Variants in GRK1 observed in about 807,000 individuals in gnomAD.
The protein encoded by GRK1 is rhodopsin kinase GRK1.
GRK1 carries 28 observed loss-of-function variants against 41.7 expected under a neutral mutation model. The ratio of observed to expected loss-of-function variants is 0.67; its 90% CI spans 0.50 to 0.92. GRK1 has a LOEUF of 0.92. Ranked by LOEUF, GRK1 falls within the 40% of genes least tolerant of loss-of-function variation. The pLI is 0.00. For synonymous variants in GRK1, 327 were observed against 286.7 expected (o/e 1.14, Z -1.42); for missense variants, 703 against 671.2 (o/e 1.05, Z -0.52).
At chr13:113,649,148 G>C in the GRK1 span, 8 of 421,412 alleles carry the variant, frequency 1.9e-5, no homozygotes, top group Non-Finnish European at 2.9e-5. This position sits in a 1 kb window ranked among gnomAD's most constrained non-coding sequence, Gnocchi z 4.7. Flanking sequence ...TCTTATAGCA[G>C]CAAATTCCAT....
rs369324651 is a variant in GRK1, at chr13:113,733,513, G to GTGTGTA, written c.1396+433_1396+434insATGTGT. ...CGCGTGTGTGTATGTGTGTGCACGT[G>GTGTGTA]TGTGTGCATGTGTGCGCGTGTGTGC... On this transcript the variant is annotated intron_variant, in intron 6 of 6. Coordinates refer to ENST00000335678, the MANE Select transcript of GRK1 (RefSeq NM_002929.3). 8.0e-3 allele frequency among the ~76,000 whole-genome samples: 1,064 copies of GTGTGTA among 132,382 alleles called. 6 individuals are homozygous for GTGTGTA. The highest frequency in any genetic ancestry group is 0.025 in the African/African-American group (1,001 of 39,282). The allele number at this position is 132,382 out of a possible 152,430, so 86.8% of individuals were successfully genotyped here.
At position 113,733,863 on chromosome 13, in the gene GRK1, G is replaced by A. The variant is rs1368176532; in HGVS notation, c.1396+778G>A. 5.0e-3 allele frequency among the ~76,000 whole-genome samples: 465 copies of A among 92,994 alleles called. 21 individuals carry two copies. The highest frequency in any genetic ancestry group is 0.029 in the African/African-American group (443 of 15,460). 61.0% of individuals were successfully genotyped at this position (92,994 alleles called of 152,430 possible). A position where few individuals can be genotyped will look rare whatever the true frequency, so the allele number is the denominator to read the frequency against. On this transcript the variant is annotated intron_variant, in intron 6 of 6. Transcript: ENST00000335678. The stretch of plus-strand genomic sequence containing the variant: ...CGTGTGCATGTGTATGTGTGCATAC[G>A]TGTGTGCGTGTGTGCATACGTGTGT...
chr13:113,729,483 C>A (rs2049918135), intron 4 of GRK1, among the ~76,000 whole-genome samples: 2 of 152,198 alleles, frequency 1.3e-5, no homozygotes, highest in South Asian at 4.1e-4. Context: ...AAGTACAAAC[C>A]CACGTGCTCA....
At chr13:113,728,785 A>G (rs1175138326) in intron 4 of GRK1, among the ~76,000 whole-genome samples, 3 of 152,168 alleles carry the variant, frequency 2.0e-5, no homozygotes, top group Admixed American at 1.3e-4. Flanking sequence ...GTGGCCTCGA[A>G]CCTCATCCCT....
At chr13:113,728,876 C>T (rs150522360) in intron 4 of GRK1, among the ~76,000 whole-genome samples, 29 of 152,256 alleles carry the variant, frequency 1.9e-4, no homozygotes, top group Non-Finnish European at 2.6e-4. Flanking sequence ...CAGGGAACCA[C>T]AAAAGGTGGA....
At chr13:113,649,631 AG>A in the GRK1 span, 43 of 1,366,322 alleles carry the variant, frequency 3.1e-5, 1 homozygote, top group South Asian at 6.6e-4. The surrounding 1 kb of genome is among the most constrained non-coding windows in gnomAD (Gnocchi z 4.7). Flanking sequence ...AGGTTGGTGC[AG>A]AGAAGCAGCT....
intron 4 of GRK1, among the ~76,000 whole-genome samples, chr13:113,728,317 C>T (rs2049908043): frequency 1.1e-5 from 1 of 93,078 alleles, no homozygotes; most frequent in African/African-American, 6.4e-5. Context: ...ATGAGGAATA[C>T]CCATGGCAAG....
chr13:113,658,932 G>T, the GRK1 span, among the ~76,000 whole-genome samples: 1 of 152,190 alleles, frequency 6.6e-6, no homozygotes, highest in Non-Finnish European at 1.5e-5. Flanking sequence ...GTCCTGTGGG[G>T]GCCCCAGACT....
At chr13:113,669,952 A>C (rs564131958) in intron 2 of GRK1, 138 bp downstream of exon 2, 5 of 1,025,666 alleles carry the variant, frequency 4.9e-6, no homozygotes, top group East Asian at 2.6e-5. Context: ...ACCCATCACA[A>C]TCCCCTTCTC....
Position 113,669,745 on chromosome 13 carries a change from T to C in GRK1, c.758T>C (p.Leu253Pro). Residue 253 changes from leucine (L) to proline (P), a missense_variant, in exon 2 of 7, where the codon CTG becomes CCG. By Grantham distance (98) the Leu-to-Pro change is moderately conservative. Coordinates refer to ENST00000335678, the MANE Select transcript of GRK1 (RefSeq NM_002929.3). Reference protein sequence around the residue: ...MKVHSRFIVSLAYAFETKADL... With the variant: ...MKVHSRFIVSPAYAFETKADL... The stretch of plus-strand genomic sequence containing the variant: ...GTACACAGCAGGTTCATCGTGTCTC[T>C]GGCCTATGCGTTTGAAACCAAAGCC... The C allele has an allele frequency of 6.2e-7, 1 of 1,613,998 alleles. No homozygotes were observed.
the GRK1 span, chr13:113,652,635 T>C: frequency 9.8e-6 from 6 of 611,142 alleles, no homozygotes; most frequent in African/African-American, 1.8e-5. Flanking sequence ...TTCAAATGTT[T>C]CCACATGTTT....
At chr13:113,733,825 G>GCGTGCGCA in intron 6 of GRK1, among the ~76,000 whole-genome samples, 1 of 146,156 alleles carries the variant, frequency 6.8e-6, no homozygotes, top group Non-Finnish European at 1.5e-5. Flanking sequence ...GTGTGTGCGT[G>GCGTGCGCA]TGTGTGCACG....
chr13:113,727,597 C>A (rs1444427480), intron 4 of GRK1, among the ~76,000 whole-genome samples: 1 of 149,788 alleles, frequency 6.7e-6, no homozygotes, highest in Non-Finnish European at 1.5e-5. Flanking sequence ...GTACCCATGG[C>A]AATGAGGAGT....
At chr13:113,651,663 G>A in the GRK1 span, 71 of 1,609,708 alleles carry the variant, frequency 4.4e-5, no homozygotes, top group African/African-American at 3.2e-4. Context: ...CCGCGCGGCC[G>A]TACTCACCAG....
chr13:113,651,053 C>T, the GRK1 span, among the ~76,000 whole-genome samples: 1 of 152,094 alleles, frequency 6.6e-6, no homozygotes, highest in Admixed American at 6.5e-5. Context: ...CCCGCGGCCC[C>T]CACCGAGAGT....
chr13:113,730,692 C>T (rs1023706056), intron 4 of GRK1, among the ~76,000 whole-genome samples: 21 of 152,344 alleles, frequency 1.4e-4, no homozygotes, highest in Admixed American at 1.4e-3. Context: ...GAGGACACAG[C>T]CATAGCACTC....
At chr13:113,734,076 ATG>A (rs374765487) in intron 6 of GRK1, among the ~76,000 whole-genome samples, 141 of 151,692 alleles carry the variant, frequency 9.3e-4, no homozygotes, top group African/African-American at 2.9e-3. Flanking sequence ...GTGTGCGTGT[ATG>A]TGTGTGTGTT....
chr13:113,651,148 G>A, the GRK1 span, among the ~76,000 whole-genome samples: 1 of 151,998 alleles, frequency 6.6e-6, no homozygotes, highest in African/African-American at 2.4e-5. Flanking sequence ...TGAAACCTTT[G>A]CCTTTGGGTG....
At chr13:113,733,945 CGTGTGTGTGCATACGTGTGTGT>C (rs2049977107) in intron 6 of GRK1, among the ~76,000 whole-genome samples, 9 of 80,322 alleles carry the variant, frequency 1.1e-4, no homozygotes, top group Non-Finnish European at 2.2e-4. Context: ...TACGTGTGTG[CGTGTGTGTGCATACGTGTGTGT>C]GCGTGTGTGC....
Sources: gnomAD v4.1 joint callset for allele counts (sites outside exome capture counted in the v4.1 genomes callset) on GRCh38, gnomAD v4.1.1 for gene constraint, Gnocchi (gnomAD v3.1) non-coding constraint, MANE v1.5 for transcripts, NCBI Gene and HGNC (gene_info 2026-07-23, HGNC 2026-07-21) for gene names.